MICAL2: variants seen among roughly 807,000 people sequenced by gnomAD.
The protein encoded by MICAL2 is microtubule associated monooxygenase, calponin and LIM domain containing 2, also known as [F-actin]-monooxygenase MICAL2.
A neutral mutation model predicts 127.3 loss-of-function variants in MICAL2; 77 were observed. That is an observed-to-expected ratio of 0.60 (90% CI 0.50 to 0.73). The LOEUF (loss-of-function observed/expected upper bound fraction) is 0.73. Among genes scored for constraint, MICAL2 ranks in the 30% least tolerant of loss-of-function variants. The pLI is 0.00. For missense variants in MICAL2, 1,351 were observed against 1,434.4 expected, an observed-to-expected ratio of 0.94 and a Z score of 0.94; for synonymous variants, 570 against 551.1, an observed-to-expected ratio of 1.03 and a Z score of -0.48.
At chr11:12,136,982 T>C (rs1380614486) in intron 1 of MICAL2, among the ~76,000 whole-genome samples, 1 of 152,186 alleles carries the variant, frequency 6.6e-6, no homozygotes. Flanking sequence ...GTTGGACCAA[T>C]GATGGAATTC....
In MICAL2 at chr11:12,131,166, G is replaced by A. The variant is rs1356662198; in HGVS notation, c.-148-7224G>A. ...AAATTAGCCGGGCGCGGTGGCGGGCGCCTGTAGTCCCAGCTACTCGGGAGG... is the reference window on the plus strand; with the variant it reads ...AAATTAGCCGGGCGCGGTGGCGGGCACCTGTAGTCCCAGCTACTCGGGAGG... On this transcript the variant is annotated intron_variant, in intron 1 of 27. Coordinates refer to ENST00000683283, the MANE Select transcript of MICAL2 (RefSeq NM_001282663.2). 3.4e-5 allele frequency among the ~76,000 whole-genome samples: 3 copies of A among 87,930 alleles called. 1 individual carries two copies. 57.7% of individuals were successfully genotyped at this position (87,930 alleles called of 152,430 possible).
intron 29 of MICAL2, among the ~76,000 whole-genome samples, chr11:12,313,167 CAAAAAAA>C (rs61207104): frequency 1.4e-5 from 1 of 69,282 alleles, no homozygotes; most frequent in South Asian, 9.3e-4. Flanking sequence ...GACTACATCT[CAAAAAAA>C]AAAAAAAAAA....
At chr11:12,170,293 T>A (rs1354840904) in intron 3 of MICAL2, among the ~76,000 whole-genome samples, 1 of 151,778 alleles carries the variant, frequency 6.6e-6, no homozygotes, top group African/African-American at 2.4e-5. Flanking sequence ...ATACAAAAAA[T>A]AGAAAAATTA....
rs1232501053 is a variant in MICAL2, at chr11:12,216,325, T to C, written c.948+6T>C. ...ACAAAGGTGTCATCATTAACGTACGTACCTCTTGGCTGCGATTTCCCGACT... is the reference window on the plus strand; with the variant it reads ...ACAAAGGTGTCATCATTAACGTACGCACCTCTTGGCTGCGATTTCCCGACT... On this transcript the variant is annotated splice_donor_region_variant and intron_variant, in intron 8 of 27. Transcript: ENST00000683283. 6.9e-7 allele frequency: 1 copy of C among 1,446,966 alleles called. No homozygotes were observed. The highest frequency in any genetic ancestry group is 9.7e-7 in the Non-Finnish European group (1 of 1,030,706). The allele number at this position is 1,446,966 out of a possible 1,614,324, so 89.6% of individuals were successfully genotyped here.
downstream of MICAL2, among the ~76,000 whole-genome samples, chr11:12,288,922 A>G (rs1327296477): frequency 6.6e-6 from 1 of 152,220 alleles, no homozygotes; most frequent in Non-Finnish European, 1.5e-5. Flanking sequence ...TACTTTGCCC[A>G]AAAGAAAACC....
intron 25 of MICAL2, among the ~76,000 whole-genome samples, chr11:12,258,931 G>A (rs1219250210): frequency 6.6e-6 from 1 of 152,178 alleles, no homozygotes; most frequent in African/African-American, 2.4e-5. Flanking sequence ...GTATAGGACC[G>A]ACCCTTCTAC....
chr11:12,170,230 C>T (rs1355827074), intron 3 of MICAL2, among the ~76,000 whole-genome samples: 1 of 152,066 alleles, frequency 6.6e-6, no homozygotes, highest in African/African-American at 2.4e-5. Flanking sequence ...TGGGTGGGTC[C>T]CTTGAGCCCA....
downstream of MICAL2, chr11:12,294,025 C>T: frequency 1.2e-6 from 2 of 1,614,158 alleles, no homozygotes; most frequent in Non-Finnish European, 8.5e-7. Context: ...ATGACTCCAT[C>T]CCTGAGAGTG....
intron 21 of MICAL2, among the ~76,000 whole-genome samples, chr11:12,244,857 A>G (rs1860503310): frequency 6.6e-6 from 1 of 152,192 alleles, no homozygotes; most frequent in South Asian, 2.1e-4. Context: ...CACTCTGTGT[A>G]AAGGAATTTC....
chr11:12,319,303 C>A (rs538308067), intron 29 of MICAL2, among the ~76,000 whole-genome samples: 2 of 152,280 alleles, frequency 1.3e-5, no homozygotes, highest in South Asian at 2.1e-4. Flanking sequence ...GCAGAACGAA[C>A]CTTACACAAG....
chr11:12,179,222 G>T (rs1157780451), intron 3 of MICAL2, among the ~76,000 whole-genome samples: 1 of 152,086 alleles, frequency 6.6e-6, no homozygotes. Context: ...CTCACAGGCC[G>T]CCTTCTTGGC....
chr11:12,271,404 A>G (rs1221828525), upstream of MICAL2, among the ~76,000 whole-genome samples: 1 of 152,178 alleles, frequency 6.6e-6, no homozygotes, highest in African/African-American at 2.4e-5. Flanking sequence ...AGGTGAGCAC[A>G]CCTGGCTCTT....
chr11:12,120,894 A>G (rs899047935), intron 1 of MICAL2, among the ~76,000 whole-genome samples: 1 of 152,200 alleles, frequency 6.6e-6, no homozygotes, highest in Non-Finnish European at 1.5e-5. Flanking sequence ...CGGGAGGTGC[A>G]CACTGCCAGA....
Position 12,350,567 on chromosome 11 carries a change from C to T in MICAL2, c.5615+630C>T, listed in dbSNP as rs574650035. On this transcript the variant is annotated intron_variant, in intron 33 of 34. Transcript: ENST00000646065. ...TATGCTGTCTCGTTTCATTTTTGCC[C>T]CAACCCCAGGAAGTAATTTTAAGGG... 8.9e-4 allele frequency among the ~76,000 whole-genome samples: 136 copies of T among 152,194 alleles called. 1 individual carries two copies. Among genetic ancestry groups the T allele is most frequent in the African/African-American group, 3.1e-3 (130 of 41,526 alleles).
At chr11:12,288,403 C>T (rs1423026622), downstream of MICAL2, among the ~76,000 whole-genome samples, 1 of 152,218 alleles carries the variant, frequency 6.6e-6, no homozygotes, top group East Asian at 1.9e-4. Context: ...CCTCAGGAAG[C>T]TCCCAGCCTG....
chr11:12,174,870 C>A (rs1856665761), intron 3 of MICAL2, among the ~76,000 whole-genome samples: 1 of 152,154 alleles, frequency 6.6e-6, no homozygotes, highest in Admixed American at 6.5e-5. Context: ...CCTGTACTCC[C>A]AGTGCTTTGG....
intron 3 of MICAL2, among the ~76,000 whole-genome samples, chr11:12,183,165 C>CG (rs1857697925): frequency 7.7e-6 from 1 of 129,750 alleles, no homozygotes; most frequent in Non-Finnish European, 1.7e-5. Context: ...TATCCTGACT[C>CG]CTTTTTTTTT....
At chr11:12,346,081 A>T (rs1938948925) in intron 32 of MICAL2, among the ~76,000 whole-genome samples, 1 of 151,362 alleles carries the variant, frequency 6.6e-6, no homozygotes, top group African/African-American at 2.4e-5. Context: ...TTGAAGGCCG[A>T]TAGAAAGAAG....
intron 21 of MICAL2, among the ~76,000 whole-genome samples, chr11:12,245,747 C>T (rs139235790): frequency 2.5e-4 from 38 of 152,344 alleles, no homozygotes; most frequent in African/African-American, 8.2e-4. Context: ...CAGTGAGCAA[C>T]ATGGGTGGAG....
Sources: allele counts gnomAD v4.1 joint callset (sites outside exome capture counted in the v4.1 genomes callset), GRCh38; gene constraint gnomAD v4.1.1; transcripts MANE v1.5; gene names NCBI Gene and HGNC (gene_info 2026-07-23, HGNC 2026-07-21).